The following RAB27B variants were observed in gnomAD, a reference collection of about 807,000 sequenced individuals.
The protein encoded by RAB27B is ras-related protein Rab-27B.
A neutral mutation model predicts 24.6 loss-of-function variants in RAB27B; 15 were observed. The ratio of observed to expected loss-of-function variants is 0.61; its 90% CI spans 0.41 to 0.94. The LOEUF (loss-of-function observed/expected upper bound fraction) is 0.94, where lower values mean the gene tolerates loss of function less well. Ranked by LOEUF, RAB27B falls within the 40% of genes least tolerant of loss-of-function variation. The pLI is 0.00. For synonymous variants in RAB27B, 105 were observed against 92.5 expected, an observed-to-expected ratio of 1.14 and a Z score of -0.78; for missense variants, 261 against 266.8, an observed-to-expected ratio of 0.98 and a Z score of 0.15.
At chr18:54,735,222 C>T (rs1197450138) in intron 2 of RAB27B, among the ~76,000 whole-genome samples, 1 of 152,166 alleles carries the variant, frequency 6.6e-6, no homozygotes, top group Non-Finnish European at 1.5e-5. Context: ...ATGAGACAAA[C>T]TAAGTGCATA....
At chr18:54,832,185 A>C (rs925912291) in intron 1 of RAB27B, among the ~76,000 whole-genome samples, 1 of 152,204 alleles carries the variant, frequency 6.6e-6, no homozygotes, top group African/African-American at 2.4e-5. Context: ...CAACTACAAC[A>C]GTGGCAAAGA....
intron 2 of RAB27B, among the ~76,000 whole-genome samples, chr18:54,800,043 C>T (rs907665826): frequency 6.6e-6 from 1 of 152,184 alleles, no homozygotes; most frequent in South Asian, 2.1e-4. Context: ...GTGAGAACTT[C>T]TCTTTCAAAG....
chr18:54,848,148 G>A lies in RAB27B; in HGVS notation c.-20+19448G>A, dbSNP rs140998556. The stretch of plus-strand genomic sequence containing the variant: ...ACTGGCACAGGTGTGGGATATGGTC[G>A]GTTTACACCTCCACTTGTATAGTTC... On this transcript the variant is annotated intron_variant, in intron 1 of 5. Transcript: ENST00000262094. Among the ~76,000 whole-genome samples the A allele has an allele frequency of 5.9e-5, 9 of 152,266 alleles. No individual in the cohort carries two copies. In the East Asian group the frequency reaches 1.4e-3, roughly 23 times the overall value.
intron 3 of RAB27B, 180 bp downstream of exon 3, chr18:54,879,634 G>T (rs1416703544): frequency 1.9e-6 from 1 of 532,596 alleles, no homozygotes; most frequent in African/African-American, 1.9e-5. Context: ...CAGTAGCACT[G>T]TGCAGTTGGT....
At chr18:54,735,248 C>T (rs1471935544) in intron 2 of RAB27B, among the ~76,000 whole-genome samples, 1 of 152,088 alleles carries the variant, frequency 6.6e-6, no homozygotes, top group African/African-American at 2.4e-5. Context: ...GCTGTGCTGT[C>T]CAGTAAGGTA....
chr18:54,790,617 A>ATT (rs10713242), intron 2 of RAB27B, among the ~76,000 whole-genome samples: 3 of 150,680 alleles, frequency 2.0e-5, no homozygotes, highest in Non-Finnish European at 3.0e-5. Context: ...AAACAAAAAT[A>ATT]TTTTTTTTCT....
intron 2 of RAB27B, among the ~76,000 whole-genome samples, chr18:54,805,699 G>T (rs1180728812): frequency 2.6e-5 from 4 of 152,132 alleles, no homozygotes; most frequent in Non-Finnish European, 5.9e-5. Flanking sequence ...AGGTTCTTAA[G>T]AATCACTAAT....
intron 1 of RAB27B, among the ~76,000 whole-genome samples, chr18:54,842,523 A>AT (rs1405800988): frequency 1.3e-5 from 2 of 151,544 alleles, no homozygotes; most frequent in African/African-American, 4.8e-5. Flanking sequence ...AAGCCCATCA[A>AT]GTTTAGAAGA....
At chr18:54,761,018 T>C (rs1908170932) in intron 2 of RAB27B, among the ~76,000 whole-genome samples, 1 of 151,224 alleles carries the variant, frequency 6.6e-6, no homozygotes, top group Admixed American at 6.6e-5. Context: ...TTTAACTGAA[T>C]ATCAAGATAT....
intron 2 of RAB27B, among the ~76,000 whole-genome samples, chr18:54,752,833 G>C (rs1018179723): frequency 2.0e-5 from 3 of 152,114 alleles, no homozygotes; most frequent in Non-Finnish European, 4.4e-5. Context: ...TGCCTGCCTT[G>C]GGGAGTCTGC....
intron 2 of RAB27B, among the ~76,000 whole-genome samples, chr18:54,878,929 A>C (rs1912812303): frequency 6.6e-6 from 1 of 152,182 alleles, no homozygotes; most frequent in Non-Finnish European, 1.5e-5. Context: ...AAAGCACTTT[A>C]CTGTTTTAAA....
intron 2 of RAB27B, among the ~76,000 whole-genome samples, chr18:54,729,052 A>G (rs1388496842): frequency 6.6e-6 from 1 of 151,912 alleles, no homozygotes; most frequent in African/African-American, 2.4e-5. Context: ...ATATAAAACT[A>G]TTAAAAACAA....
At chr18:54,782,113 A>C (rs532703871) in intron 2 of RAB27B, among the ~76,000 whole-genome samples, 1 of 152,370 alleles carries the variant, frequency 6.6e-6, no homozygotes, top group Admixed American at 6.5e-5. Context: ...GGCAATAGTT[A>C]ACATTCCATT....
At chr18:54,864,601 T>C (rs2145244300) in intron 1 of RAB27B, among the ~76,000 whole-genome samples, 1 of 152,276 alleles carries the variant, frequency 6.6e-6, no homozygotes, top group East Asian at 1.9e-4. Flanking sequence ...AGCTCTTATA[T>C]TTAGGTCTAT....
intron 2 of RAB27B, among the ~76,000 whole-genome samples, chr18:54,820,415 C>T (rs191255375): frequency 6.6e-6 from 1 of 152,256 alleles, no homozygotes; most frequent in Non-Finnish European, 1.5e-5. Context: ...GCATAAATGT[C>T]TTCTTTTGAG....
intron 1 of RAB27B, among the ~76,000 whole-genome samples, chr18:54,877,244 T>A (rs1264773358): frequency 6.6e-6 from 1 of 152,196 alleles, no homozygotes; most frequent in Non-Finnish European, 1.5e-5. Flanking sequence ...TGTGGAACTA[T>A]GAGTCAAACC....
chr18:54,758,060 G>C (rs577185981), intron 2 of RAB27B, among the ~76,000 whole-genome samples: 70 of 152,086 alleles, frequency 4.6e-4, no homozygotes, highest in African/African-American at 1.6e-3. Flanking sequence ...TTGAGTATTA[G>C]GTGTAAGATC....
At chr18:54,766,673 G>A (rs912115810) in intron 2 of RAB27B, among the ~76,000 whole-genome samples, 2 of 152,110 alleles carry the variant, frequency 1.3e-5, no homozygotes, top group Non-Finnish European at 2.9e-5. Flanking sequence ...TAGGCGTAGT[G>A]TATGAAATAT....
intron 2 of RAB27B, among the ~76,000 whole-genome samples, chr18:54,815,680 T>C (rs113046752): frequency 1.4e-4 from 22 of 152,352 alleles, no homozygotes; most frequent in African/African-American, 5.1e-4. Context: ...TTAAAGTCAT[T>C]CTTCTACATT....
Sources: gnomAD v4.1 joint callset for allele counts (sites outside exome capture counted in the v4.1 genomes callset) on GRCh38, gnomAD v4.1.1 for gene constraint, MANE v1.5 for transcripts, NCBI Gene and HGNC (gene_info 2026-07-23, HGNC 2026-07-21) for gene names.